RNPC3: variants seen among roughly 807,000 people sequenced by gnomAD.
The protein encoded by RNPC3 is RNA binding region (RNP1, RRM) containing 3, also known as RNA-binding region-containing protein 3.
Under a neutral mutation model 67.5 loss-of-function variants are expected in RNPC3, and 48 were observed. The ratio of observed to expected loss-of-function variants is 0.71; its 90% CI spans 0.56 to 0.90. The LOEUF (loss-of-function observed/expected upper bound fraction) is 0.90. Ranked by LOEUF, RNPC3 falls within the 40% of genes least tolerant of loss-of-function variation. The pLI, the probability that RNPC3 is intolerant of heterozygous loss-of-function variation, is 0.00. For missense variants in RNPC3, 637 were observed against 626.1 expected, an observed-to-expected ratio of 1.02 and a Z score of -0.19; for synonymous variants, 239 against 210.3, an observed-to-expected ratio of 1.14 and a Z score of -1.18.
chr1:103,547,095 C>A, intron 12 of RNPC3, 60 bp downstream of exon 12: 2 of 944,388 alleles, frequency 2.1e-6, no homozygotes, highest in Non-Finnish European at 1.5e-6. Context: ...TACAAATTTA[C>A]CACTATTTTA....
intron 7 of RNPC3, among the ~76,000 whole-genome samples, chr1:103,540,295 G>C (rs575152079): frequency 1.3e-5 from 2 of 152,078 alleles, no homozygotes; most frequent in African/African-American, 4.8e-5. Flanking sequence ...AATGAATTTC[G>C]TGTTTAAATT....
chr1:103,545,996 G>C (rs1455521215), intron 10 of RNPC3: 2 of 182,394 alleles, frequency 1.1e-5, no homozygotes, highest in African/African-American at 4.7e-5. Flanking sequence ...AATCAATTCA[G>C]ATTTTCAGTG....
intron 5 of RNPC3, 62 bp downstream of exon 5, chr1:103,535,503 T>A: frequency 4.0e-6 from 4 of 997,696 alleles, no homozygotes; most frequent in Non-Finnish European, 6.0e-6. Flanking sequence ...TTATTTTTCA[T>A]GCTGATTCTC....
intron 3 of RNPC3, 28 bp downstream of exon 3, chr1:103,533,885 T>C (rs1225997956): frequency 8.9e-7 from 1 of 1,121,666 alleles, no homozygotes; most frequent in Admixed American, 2.1e-5. Flanking sequence ...TCATACATTT[T>C]TGTTACATTT....
Position 103,527,722 on chromosome 1 carries a change from A to G in RNPC3, c.220A>G (p.Asn74Asp). 4 of 1,548,802 alleles carry G rather than the reference A, an allele frequency of 2.6e-6. No individual in the cohort carries two copies. In the South Asian group the frequency reaches 3.6e-5, roughly 14 times the overall value. The change falls in exon 2 of 15, where the codon AAT (asparagine) becomes GAT (aspartate). Residue 74 changes from asparagine (N) to aspartate (D), a missense_variant. Physicochemically the swap from Asn to Asp is conservative, Grantham distance 23. Transcript: ENST00000423855. ...LKHTAFATFPNEKAAIKALTR... is the reference protein window; with the variant it reads ...LKHTAFATFPDEKAAIKALTR... Reference sequence around the variant, plus strand: ...ACATACAGCTTTTGCCACATTCCCTAATGAAAAAGCAGCTATAAAGGTATG... The same window carrying G: ...ACATACAGCTTTTGCCACATTCCCTGATGAAAAAGCAGCTATAAAGGTATG...
intron 14 of RNPC3, chr1:103,553,143 G>A (rs1361383918): frequency 2.0e-5 from 3 of 152,080 alleles, no homozygotes; most frequent in Non-Finnish European, 4.4e-5. Flanking sequence ...TCTATACTGG[G>A]TAGTCACAAG....
At chr1:103,534,052 T>C (rs916678912) in intron 3 of RNPC3, among the ~76,000 whole-genome samples, 195 bp downstream of exon 3, 4 of 152,012 alleles carry the variant, frequency 2.6e-5, no homozygotes, top group Admixed American at 1.3e-4. Context: ...GAACCAGATT[T>C]AATATTATGG....
At chr1:103,533,119 G>A (rs759962912) in intron 2 of RNPC3, among the ~76,000 whole-genome samples, 19 of 151,912 alleles carry the variant, frequency 1.3e-4, no homozygotes, top group Non-Finnish European at 2.7e-4. Flanking sequence ...ATGAGAGGAT[G>A]GAATTTAGTA....
rs1370340495 is a variant in RNPC3, at chr1:103,536,144, A to G, written c.574A>G (p.Lys192Glu). The G allele has an allele frequency of 9.1e-6, 14 of 1,535,716 alleles. No homozygotes were observed. The highest frequency in any genetic ancestry group is 1.2e-5 in the Non-Finnish European group (14 of 1,145,652). The change falls in exon 6 of 15, where the codon AAA becomes GAA. Residue 192 changes from lysine (K) to glutamate (E), a missense_variant. By Grantham distance (56) the Lys-to-Glu change is moderately conservative. Around this residue, in one of 3 missense-constraint regions of RNPC3, gnomAD observed 536 missense variants for 500.3 expected, o/e 1.07. Coordinates refer to ENST00000423855, the MANE Select transcript of RNPC3 (RefSeq NM_017619.4). ...FYVQVLHLMN[K>E]MNLPTPFGPI... ...CTTTAAGGTCCTTCATCTTATGAAT[A>G]AAATGAATTTGCCCACACCTTTTGG...
chr1:103,546,050 C>G (rs1651236092), intron 10 of RNPC3, 198 bp from the exon 11 acceptor site: 1 of 272,600 alleles, frequency 3.7e-6, no homozygotes, highest in Non-Finnish European at 6.8e-6. Context: ...AATTTTGTTA[C>G]TAATTTTATG....
At chr1:103,527,327 A>G (rs1437293654) in intron 1 of RNPC3, among the ~76,000 whole-genome samples, 1 of 152,196 alleles carries the variant, frequency 6.6e-6, no homozygotes, top group East Asian at 1.9e-4. Flanking sequence ...TAAACTACGC[A>G]TTGTTATGTA....
At chr1:103,527,785 C>T (rs751233135) in intron 2 of RNPC3, 43 bp downstream of exon 2, 1 of 1,350,428 alleles carries the variant, frequency 7.4e-7, no homozygotes, top group Non-Finnish European at 1.0e-6. Context: ...ACAGGATCCT[C>T]TTATACAATC....
intron 6 of RNPC3, among the ~76,000 whole-genome samples, chr1:103,536,709 A>G (rs373064371): frequency 2.0e-5 from 3 of 152,180 alleles, no homozygotes; most frequent in Non-Finnish European, 4.4e-5. Flanking sequence ...TCATATATGA[A>G]TAGAAGAGAA....
chr1:103,549,841 C>G (rs182100833), intron 12 of RNPC3, among the ~76,000 whole-genome samples: 1 of 151,984 alleles, frequency 6.6e-6, no homozygotes, highest in East Asian at 1.9e-4. Context: ...CTTTCTACTC[C>G]GAAGTTCTGT....
chr1:103,550,093 G>T (rs1202155046), intron 12 of RNPC3, among the ~76,000 whole-genome samples: 1 of 151,934 alleles, frequency 6.6e-6, no homozygotes, highest in South Asian at 2.1e-4. Context: ...AAACCCAGGA[G>T]GTGGAGGTTG....
intron 7 of RNPC3, among the ~76,000 whole-genome samples, chr1:103,538,236 G>A (rs1651042254): frequency 6.6e-6 from 1 of 152,180 alleles, no homozygotes. Context: ...CTGAGATGAA[G>A]TCAAATAAAG....
chr1:103,543,459 C>G lies in RNPC3; in HGVS notation c.1045+12C>G. On this transcript the variant is annotated intron_variant, in intron 9 of 14. Transcript: ENST00000423855. ...GGAAAAAAATCATGGTAAGGATATT[C>G]TAGTTATTTCACATGCTGAAATCAA... 1 of 1,445,824 alleles carries G rather than the reference C, an allele frequency of 6.9e-7. No homozygotes were observed. Among genetic ancestry groups the G allele is most frequent in the Non-Finnish European group, 9.1e-7 (1 of 1,100,686 alleles). The allele number at this position is 1,445,824 out of a possible 1,614,324, so 89.6% of individuals were successfully genotyped here.
chr1:103,547,277 G>A (rs1239758684), intron 12 of RNPC3, among the ~76,000 whole-genome samples: 1 of 152,124 alleles, frequency 6.6e-6, no homozygotes, highest in African/African-American at 2.4e-5. Context: ...AGTGTCTGTT[G>A]GAATTACTCA....
chr1:103,527,746 T>G lies in RNPC3; in HGVS notation c.240+4T>G. ...TAATGAAAAAGCAGCTATAAAGGTA[T>G]GACTTTTTCTTGACGATTAAAGTTG... is the stretch of plus-strand genomic sequence containing the variant. On this transcript the variant is annotated splice_donor_region_variant and intron_variant, in intron 2 of 14. Transcript: ENST00000423855. The G allele has an allele frequency of 6.5e-7, 1 of 1,541,982 alleles. No homozygotes were observed. The highest frequency in any genetic ancestry group is 8.8e-7 in the Non-Finnish European group (1 of 1,139,250).
Sources: gnomAD v4.1 joint callset for allele counts (sites outside exome capture counted in the v4.1 genomes callset) on GRCh38, gnomAD v4.1.1 for gene constraint, gnomAD v4.1.1 regional missense constraint, MANE v1.5 for transcripts, NCBI Gene and HGNC (gene_info 2026-07-23, HGNC 2026-07-21) for gene names.